The following DPEP1 variants were observed in gnomAD, a reference collection of about 807,000 sequenced individuals.
The protein encoded by DPEP1 is beta-lactamase.
DPEP1 carries 50 observed loss-of-function variants against 42.3 expected under a neutral mutation model. That is an observed-to-expected ratio of 1.18 (90% CI 0.94 to 1.50). DPEP1 has a LOEUF of 1.50. Ranked by LOEUF, DPEP1 falls within the 40% of genes most tolerant of loss-of-function variation. The pLI, the probability that DPEP1 is intolerant of heterozygous loss-of-function variation, is 0.00. For missense variants in DPEP1, 663 were observed against 553.0 expected (o/e 1.20, Z -1.99); for synonymous variants, 297 against 234.0 (o/e 1.27, Z -2.46).
At chr16:89,622,096 C>G (rs187701453) in intron 1 of DPEP1, among the ~76,000 whole-genome samples, 2 of 152,104 alleles carry the variant, frequency 1.3e-5, no homozygotes, top group South Asian at 4.1e-4. Flanking sequence ...GGTGGGGCCT[C>G]GGTGCACCCA....
intron 3 of DPEP1, 86 bp from the exon 4 acceptor site, chr16:89,636,178 G>C: frequency 1.9e-6 from 3 of 1,553,978 alleles, no homozygotes; most frequent in Non-Finnish European, 2.6e-6. Context: ...GCTTCCCAGC[G>C]GGTGGGAAAC....
intron 2 of DPEP1, among the ~76,000 whole-genome samples, chr16:89,632,125 C>T (rs1387192708): frequency 6.6e-6 from 1 of 152,198 alleles, no homozygotes; most frequent in African/African-American, 2.4e-5. Context: ...TCTCAGCTCG[C>T]TGCAACCTCT....
At position 89,636,281 on chromosome 16, in the gene DPEP1, G is replaced by T; in HGVS notation, c.255G>T (p.Thr85=). 1 of 1,610,334 alleles carries T rather than the reference G, an allele frequency of 6.2e-7. No individual in the cohort carries two copies. Among genetic ancestry groups the T allele is most frequent in the Non-Finnish European group, 8.5e-7 (1 of 1,179,144 alleles). The part of the protein sequence containing the change: ...FVGGQFWSVY[T]PCDTQNKDAV... ...GCCCACAGTTCTGGTCCGTGTACAC[G>T]CCCTGCGACACCCAGAACAAAGACG... The change falls in exon 4 of 11, where the codon ACG becomes ACT. Residue 85 remains threonine, a synonymous_variant. Coordinates refer to ENST00000690203, the MANE Select transcript of DPEP1 (RefSeq NM_001389466.1).
At chr16:89,615,453 G>C (rs945892111) in intron 1 of DPEP1, among the ~76,000 whole-genome samples, 5 of 152,338 alleles carry the variant, frequency 3.3e-5, no homozygotes, top group Admixed American at 3.3e-4. Flanking sequence ...CCAGGGGGCT[G>C]GACCTGTCTT....
chr16:89,636,223 A>T (rs999521448), intron 3 of DPEP1, 41 bp from the exon 4 acceptor site: 7 of 1,583,038 alleles, frequency 4.4e-6, no homozygotes, highest in Non-Finnish European at 4.3e-6. Context: ...GTGGGCTGAG[A>T]CCTGGCTGCA....
At chr16:89,636,241 C>G in intron 3 of DPEP1, 23 bp from the exon 4 acceptor site, 1 of 1,596,096 alleles carries the variant, frequency 6.3e-7, no homozygotes. Flanking sequence ...GCATCAGCTC[C>G]TGGCACCCCC....
Position 89,636,578 on chromosome 16 carries a change from G to C in DPEP1, c.416G>C (p.Gly139Ala), listed in dbSNP as rs2059682994. Residue 139 changes from glycine to alanine, a missense_variant, in exon 5 of 11, where the codon GGC (glycine) becomes GCC (alanine). Gly to Ala is a moderately conservative substitution (Grantham distance 60, BLOSUM62 0). Transcript: ENST00000690203. ...FREGKVASLI[G>A]VEGGHSIDSS... ...GAAGGGAAGGTGGCCAGCCTGATCGGCGTGGAGGGCGGCCACTCCATTGAC... is the reference window on the plus strand; with the variant it reads ...GAAGGGAAGGTGGCCAGCCTGATCGCCGTGGAGGGCGGCCACTCCATTGAC... 1.2e-6 allele frequency: 2 copies of C among 1,612,470 alleles called. No individual in the cohort carries two copies. The highest frequency in any genetic ancestry group is 1.7e-6 in the Non-Finnish European group (2 of 1,179,868).
chr16:89,633,454 C>T (rs1321545408), intron 2 of DPEP1, among the ~76,000 whole-genome samples: 1 of 152,246 alleles, frequency 6.6e-6, no homozygotes, highest in Non-Finnish European at 1.5e-5. Flanking sequence ...CCAGGAAGGG[C>T]AGAGCCCTCC....
chr16:89,631,123 T>C (rs1253331488), intron 2 of DPEP1, among the ~76,000 whole-genome samples: 1 of 152,040 alleles, frequency 6.6e-6, no homozygotes, highest in Non-Finnish European at 1.5e-5. Flanking sequence ...CTACAGGCCC[T>C]CTCAGCCGGC....
chr16:89,634,091 C>CTTTTTTTTTTTTTTTTTTTTTTTTTTTT lies in DPEP1; in HGVS notation c.105-1801_105-1800insTTTTTTTTTTTTTTTTTTTTTTTTTTTT, dbSNP rs3039849. ...TATTTTTCTTTTCTCTTCTCTTCTT[C>CTTTTTTTTTTTTTTTTTTTTTTTTTTTT]TTTTTTTTTTTTTTTTGGAGGGAGT... is the stretch of plus-strand genomic sequence containing the variant. On this transcript the variant is annotated intron_variant, in intron 2 of 10. Transcript: ENST00000690203. 2.4e-5 allele frequency among the ~76,000 whole-genome samples: 3 copies of CTTTTTTTTTTTTTTTTTTTTTTTTTTTT among 123,688 alleles called. 1 individual carries two copies. The allele number at this position is 123,688 out of a possible 152,430, so 81.1% of individuals were successfully genotyped here. A position where few individuals can be genotyped will look rare whatever the true frequency, so the allele number is the denominator to read the frequency against.
At chr16:89,620,116 C>G (rs999327038) in intron 1 of DPEP1, among the ~76,000 whole-genome samples, 2 of 151,878 alleles carry the variant, frequency 1.3e-5, no homozygotes, top group Admixed American at 1.3e-4. Flanking sequence ...TTCGAAAGCC[C>G]GTGTGGCTTT....
At chr16:89,621,349 T>A (rs1597745844) in intron 1 of DPEP1, among the ~76,000 whole-genome samples, 1 of 128,352 alleles carries the variant, frequency 7.8e-6, no homozygotes, top group South Asian at 2.5e-4. Flanking sequence ...AGCCTCAGGG[T>A]GGGCTGGACG....
At position 89,637,485 on chromosome 16, in the gene DPEP1, G is replaced by T. The variant is rs369697251; in HGVS notation, c.786G>T (p.Leu262=). 2.2e-5 allele frequency: 36 copies of T among 1,612,728 alleles called. No individual in the cohort carries two copies. Among genetic ancestry groups the T allele is most frequent in the Non-Finnish European group, 3.0e-5 (35 of 1,179,994 alleles). The change falls in exon 8 of 11, where the codon CTG becomes CTT. Residue 262 remains leucine (L), a synonymous_variant. Coordinates refer to ENST00000690203, the MANE Select transcript of DPEP1 (RefSeq NM_001389466.1). The part of the protein sequence containing the change: ...VLRLVKQTDS[L]VMVNFYNNYI... ...TTGTGCAGAAACAGACAGACAGCCTGGTGATGGTGAACTTCTACAACAATT... is the reference window on the plus strand; with the variant it reads ...TTGTGCAGAAACAGACAGACAGCCTTGTGATGGTGAACTTCTACAACAATT...
At chr16:89,614,991 T>G (rs1377921840) in intron 1 of DPEP1, among the ~76,000 whole-genome samples, 2 of 152,134 alleles carry the variant, frequency 1.3e-5, no homozygotes, top group Non-Finnish European at 2.9e-5. Context: ...GAGGGTCTAG[T>G]AGCCTCCACA....
Position 89,636,647 on chromosome 16 carries a change from G to A in DPEP1, c.485G>A (p.Arg162Gln), listed in dbSNP as rs770877588. The A allele has an allele frequency of 2.7e-5, 43 of 1,612,420 alleles. No homozygotes were observed. The African/African-American group carries it at 3.9e-4, about 15-fold the overall frequency. Residue 162 changes from arginine (R) to glutamine (Q), a missense_variant, in exon 5 of 11, where the codon CGG becomes CAG. Coordinates refer to ENST00000690203, the MANE Select transcript of DPEP1 (RefSeq NM_001389466.1). ...CGGGCACTCTATCAGCTGGGCATGC[G>A]GTACCTGACCCTCACCCACAGCTGC... The part of the protein sequence containing the change: ...VLRALYQLGM[R>Q]YLTLTHSCNT...
chr16:89,632,278 C>T (rs2059598059), intron 2 of DPEP1, among the ~76,000 whole-genome samples: 1 of 152,170 alleles, frequency 6.6e-6, no homozygotes, highest in African/African-American at 2.4e-5. Context: ...GTCTCGAACT[C>T]CTGACCTCAG....
intron 1 of DPEP1, among the ~76,000 whole-genome samples, chr16:89,618,675 G>A (rs1179593240): frequency 6.6e-6 from 1 of 151,984 alleles, no homozygotes; most frequent in Non-Finnish European, 1.5e-5. Flanking sequence ...GTTTCTTTAT[G>A]TCTGTAGAGA....
At chr16:89,621,836 C>T (rs765575591) in intron 1 of DPEP1, among the ~76,000 whole-genome samples, 6 of 152,192 alleles carry the variant, frequency 3.9e-5, no homozygotes, top group Non-Finnish European at 8.8e-5. Flanking sequence ...GCTTGCGATG[C>T]GCCCAGGTGT....
Position 89,637,662 on chromosome 16 carries a change from G to A in DPEP1, c.884G>A (p.Gly295Glu). 2 of 1,613,082 alleles carry A rather than the reference G, an allele frequency of 1.2e-6. No homozygotes were observed. The highest frequency in any genetic ancestry group is 1.1e-5 in the South Asian group (1 of 91,088). Reference sequence around the variant, plus strand: ...CTGGATCACATCAAGGAGGTGGCAGGAGCCAGAGCCGTGGGTTTTGGTGGG... The same window carrying A: ...CTGGATCACATCAAGGAGGTGGCAGAAGCCAGAGCCGTGGGTTTTGGTGGG... ...DHLDHIKEVA[G>E]ARAVGFGGDF... Residue 295 changes from glycine to glutamate, a missense_variant, in exon 9 of 11, where the codon GGA becomes GAA. Physicochemically the swap from Gly to Glu is moderately conservative, Grantham distance 98. Transcript: ENST00000690203.
Sources: allele counts gnomAD v4.1 joint callset (sites outside exome capture counted in the v4.1 genomes callset), GRCh38; gene constraint gnomAD v4.1.1; transcripts MANE v1.5; gene names NCBI Gene and HGNC (gene_info 2026-07-23, HGNC 2026-07-21).